Variants in UGT2A2 observed in about 807,000 individuals in gnomAD.
UGT2A2 encodes UDP glucuronosyltransferase family 2 member A2.
Under a neutral mutation model 50.7 loss-of-function variants are expected in UGT2A2, and 60 were observed. The observed-to-expected ratio is 1.18, with a 90% confidence interval of 0.96 to 1.47. The LOEUF (loss-of-function observed/expected upper bound fraction) is 1.47. Ranked by LOEUF, UGT2A2 falls within the 40% of genes most tolerant of loss-of-function variation. UGT2A2 has a pLI of 0.00. For missense variants in UGT2A2, 762 were observed against 634.0 expected (o/e 1.20, Z -2.17); for synonymous variants, 242 against 214.6 (o/e 1.13, Z -1.11).
intron 1 of UGT2A2, among the ~76,000 whole-genome samples, chr4:69,632,969 G>T (rs1721470685): frequency 6.6e-6 from 1 of 152,010 alleles, no homozygotes; most frequent in Non-Finnish European, 1.5e-5. Context: ...ATTCTTGATG[G>T]CTTACAAACC....
chr4:69,608,078 C>G (rs1577962601), intron 1 of UGT2A2, among the ~76,000 whole-genome samples: 1 of 152,026 alleles, frequency 6.6e-6, no homozygotes, highest in African/African-American at 2.4e-5. Flanking sequence ...GCGTATATAC[C>G]CAAAGGATCA....
At chr4:69,603,107 T>G (rs887104900) in intron 1 of UGT2A2, among the ~76,000 whole-genome samples, 2 of 136,388 alleles carry the variant, frequency 1.5e-5, no homozygotes, top group African/African-American at 5.9e-5. Flanking sequence ...TAAATCTTAT[T>G]AAAATTTCAA....
At chr4:69,630,010 A>G (rs1263125903) in intron 1 of UGT2A2, among the ~76,000 whole-genome samples, 1 of 152,124 alleles carries the variant, frequency 6.6e-6, no homozygotes. Context: ...ATTCCAAAAT[A>G]CCACATGAAA....
intron 1 of UGT2A2, among the ~76,000 whole-genome samples, chr4:69,608,752 G>T (rs1444689149): frequency 6.6e-6 from 1 of 152,074 alleles, no homozygotes; most frequent in Non-Finnish European, 1.5e-5. Context: ...CTGGAGTGCA[G>T]TGGCGCCATC....
intron 1 of UGT2A2, among the ~76,000 whole-genome samples, chr4:69,605,383 G>C (rs1258107653): frequency 7.3e-6 from 1 of 136,700 alleles, no homozygotes; most frequent in African/African-American, 3.0e-5. Flanking sequence ...CGACAACAAA[G>C]ACACAACATA....
At chr4:69,635,709 C>G in intron 1 of UGT2A2, 1 of 280,838 alleles carries the variant, frequency 3.6e-6, no homozygotes, top group Admixed American at 4.6e-5. Context: ...AGCCTGTAAT[C>G]CCAACTACAA....
At chr4:69,607,200 G>A (rs983005401) in intron 1 of UGT2A2, among the ~76,000 whole-genome samples, 2 of 150,202 alleles carry the variant, frequency 1.3e-5, no homozygotes, top group African/African-American at 2.5e-5. Flanking sequence ...AAAACAGCAT[G>A]GTACTGGTAC....
chr4:69,614,900 G>A (rs1011752875), intron 1 of UGT2A2, among the ~76,000 whole-genome samples: 4 of 152,052 alleles, frequency 2.6e-5, no homozygotes, highest in African/African-American at 9.7e-5. Context: ...TGGTTGGGAG[G>A]CCTCAGACAA....
chr4:69,596,546 A>G (rs1718944691), intron 2 of UGT2A2, among the ~76,000 whole-genome samples, 165 bp from the exon 3 acceptor site: 1 of 151,754 alleles, frequency 6.6e-6, no homozygotes, highest in South Asian at 2.1e-4. Flanking sequence ...TTTTTTTGGC[A>G]GAGTCTCGCT....
chr4:69,601,921 C>A (rs1477496134), intron 1 of UGT2A2, among the ~76,000 whole-genome samples: 3 of 135,900 alleles, frequency 2.2e-5, no homozygotes, highest in South Asian at 2.4e-4. Flanking sequence ...TGTACCACAA[C>A]CATGCAACTT....
intron 1 of UGT2A2, among the ~76,000 whole-genome samples, chr4:69,604,367 T>C (rs920090169): frequency 7.4e-6 from 1 of 135,926 alleles, no homozygotes; most frequent in East Asian, 2.1e-4. Flanking sequence ...GACAAGCAAA[T>C]GCTGAGAGAT....
intron 1 of UGT2A2, among the ~76,000 whole-genome samples, chr4:69,628,532 C>T (rs1721215405): frequency 6.6e-6 from 1 of 151,286 alleles, no homozygotes; most frequent in African/African-American, 2.4e-5. Flanking sequence ...ATGCCAGAAA[C>T]ACTAAATATC....
chr4:69,638,899 C>A lies in UGT2A2; in HGVS notation c.742G>T (p.Gly248Ter). The change falls in exon 1 of 6, where the codon GGA becomes TGA. Residue 248 changes from glycine (G) to a stop codon, truncating the protein, a stop_gained and splice_region_variant. Transcript: ENST00000604629. LOFTEE classifies it high-confidence loss of function. ...TAAAAAGAGAAAATTTTAGACTTACCTAAAATTTTGCTATAGTATGAATTC... is the reference window on the plus strand; with the variant it reads ...TAAAAAGAGAAAATTTTAGACTTACATAAAATTTTGCTATAGTATGAATTC... Reference protein sequence around the residue: ...EWNSYYSKILGRPTTLCETMG... With the variant: ...EWNSYYSKIL 1 of 1,571,936 alleles carries A rather than the reference C, an allele frequency of 6.4e-7. No individual in the cohort carries two copies. Among genetic ancestry groups the A allele is most frequent in the Non-Finnish European group, 8.6e-7 (1 of 1,159,602 alleles).
rs190478364 is a variant in UGT2A2, at chr4:69,637,863, A to C, written c.742+1036T>G. ...CTTTTTTTTACACAAAGTAAACAAGAGAGAATGAAGGAAGAAAAGTAAAAA... is the reference window on the plus strand; with the variant it reads ...CTTTTTTTTACACAAAGTAAACAAGCGAGAATGAAGGAAGAAAAGTAAAAA... On this transcript the variant is annotated intron_variant, in intron 1 of 5. Coordinates refer to ENST00000604629, the MANE Select transcript of UGT2A2 (RefSeq NM_001105677.2). 1.7e-3 allele frequency among the ~76,000 whole-genome samples: 262 copies of C among 151,964 alleles called. 1 individual carries two copies. The highest frequency in any genetic ancestry group is 6.8e-3 in the Middle Eastern group (2 of 292).
At chr4:69,617,822 G>A (rs964358815) in intron 1 of UGT2A2, among the ~76,000 whole-genome samples, 7 of 151,506 alleles carry the variant, frequency 4.6e-5, no homozygotes, top group Non-Finnish European at 8.8e-5. Flanking sequence ...ATATAACTAG[G>A]TTTCAAAATA....
chr4:69,596,106 A>G (rs1483293863), intron 3 of UGT2A2, 144 bp downstream of exon 3: 5 of 1,208,922 alleles, frequency 4.1e-6, no homozygotes, highest in Non-Finnish European at 5.3e-6. Context: ...CAATTTTAAT[A>G]TATTACACAA....
Position 69,639,422 on chromosome 4 carries a change from A to T in UGT2A2, c.219T>A (p.Asn73Lys). The T allele has an allele frequency of 6.2e-7, 1 of 1,613,306 alleles. No individual in the cohort carries two copies. Among genetic ancestry groups the T allele is most frequent in the Non-Finnish European group, 8.5e-7 (1 of 1,179,596 alleles). The change falls in exon 1 of 6, where the codon AAT becomes AAA. Residue 73 changes from asparagine (N) to lysine (K), a missense_variant. By Grantham distance (94) the Asn-to-Lys change is moderately conservative. Coordinates refer to ENST00000604629, the MANE Select transcript of UGT2A2 (RefSeq NM_001105677.2). ...CTTCAAAATTCACAGGAGAATCGGG[A>T]TTGGAGTTGATGAATAGAGTTGCTG... is the stretch of plus-strand genomic sequence containing the variant. ...ASSATLFINS[N>K]PDSPVNFEVI...
chr4:69,638,721 C>T (rs557141301), intron 1 of UGT2A2, among the ~76,000 whole-genome samples, 178 bp downstream of exon 1: 6 of 151,998 alleles, frequency 3.9e-5, no homozygotes, highest in Non-Finnish European at 8.8e-5. Context: ...ATTAATACCA[C>T]CATTTCATTG....
rs866361087 is a variant in UGT2A2, at chr4:69,639,081, G to A, written c.560C>T (p.Thr187Ile). ...MYTLRFSPAS[T>I]VERHCGKIPA... ...GATTTTCCCACAGTGTCTCTCCACT[G>A]TTGATGCTGGAGAGAACCTCAATGT... is the stretch of plus-strand genomic sequence containing the variant. The change falls in exon 1 of 6, where the codon ACA (threonine) becomes ATA (isoleucine). Residue 187 changes from threonine (T) to isoleucine (I), a missense_variant. Transcript: ENST00000604629. The A allele has an allele frequency of 1.1e-5, 17 of 1,613,346 alleles. No individual in the cohort carries two copies. In the African/African-American group the frequency reaches 1.9e-4, roughly 18 times the overall value.
Sources: gnomAD v4.1 joint callset for allele counts (sites outside exome capture counted in the v4.1 genomes callset) on GRCh38, gnomAD v4.1.1 for gene constraint, MANE v1.5 for transcripts, NCBI Gene and HGNC (gene_info 2026-07-23, HGNC 2026-07-21) for gene names.